ROR2: variants seen among roughly 807,000 people sequenced by gnomAD.
ROR2 encodes the protein ROR family WNT receptor 2.
Under a neutral mutation model 74.9 loss-of-function variants are expected in ROR2, and 33 were observed. That is an observed-to-expected ratio of 0.44 (90% CI 0.33 to 0.59). ROR2 has a LOEUF of 0.59. Ranked by LOEUF, ROR2 falls within the 20% of genes least tolerant of loss-of-function variation. ROR2 has a pLI of 0.02. For synonymous variants in ROR2, 586 were observed against 558.7 expected (o/e 1.05, Z -0.69); for missense variants, 1,216 against 1,313.8 (o/e 0.93, Z 1.15).
At chr9:91,755,222 T>C (rs1208785527) in intron 4 of ROR2, among the ~76,000 whole-genome samples, 1 of 152,222 alleles carries the variant, frequency 6.6e-6, no homozygotes, top group Non-Finnish European at 1.5e-5. Context: ...GTCGCTGCCC[T>C]GCCCAGCCTC....
intron 1 of ROR2, among the ~76,000 whole-genome samples, chr9:91,816,502 G>A (rs576608053): frequency 6.6e-6 from 1 of 151,988 alleles, no homozygotes; most frequent in Admixed American, 6.5e-5. Context: ...GTGCTTCCTC[G>A]GCCTTGCCCC....
chr9:91,759,157 G>C (rs1825841726), intron 2 of ROR2, among the ~76,000 whole-genome samples: 1 of 152,168 alleles, frequency 6.6e-6, no homozygotes, highest in Admixed American at 6.5e-5. Flanking sequence ...TGAACCCTAA[G>C]GGTAAGAAGT....
rs34963566 is a variant in ROR2 at position 91,830,809 on chromosome 9, C to CGTGTGTGTGTGTGT, written c.98-55005_98-54992dup. Among the ~76,000 whole-genome samples the CGTGTGTGTGTGTGT allele has an allele frequency of 2.0e-3, 282 of 139,666 alleles. 3 individuals carry two copies. The highest frequency in any genetic ancestry group is 0.011 in the Admixed American group (156 of 13,822). The allele number at this position is 139,666 out of a possible 152,430, so 91.6% of individuals were successfully genotyped here. A position where few individuals can be genotyped will look rare whatever the true frequency, so the allele number is the denominator to read the frequency against. ...TTTACCAAAACTAAATAACTGTGTC[C>CGTGTGTGTGTGTGT]GTGTGTGTGTGTGTGTGTGTGTGTG... On this transcript the variant is annotated intron_variant, in intron 1 of 8. Coordinates refer to ENST00000375708, the MANE Select transcript of ROR2 (RefSeq NM_004560.4).
At chr9:91,890,519 CTAAG>C (rs1404640572) in intron 1 of ROR2, among the ~76,000 whole-genome samples, 1 of 152,134 alleles carries the variant, frequency 6.6e-6, no homozygotes, top group African/African-American at 2.4e-5. Flanking sequence ...AAACTTATTC[CTAAG>C]TGTTTTATAG....
intron 4 of ROR2, among the ~76,000 whole-genome samples, chr9:91,739,011 A>G (rs995828791): frequency 3.9e-5 from 6 of 152,348 alleles, no homozygotes; most frequent in South Asian, 2.1e-4. Flanking sequence ...ATTGACGCCA[A>G]TGAGCCACAG....
chr9:91,754,883 G>A (rs745849045), intron 4 of ROR2, among the ~76,000 whole-genome samples: 5 of 152,132 alleles, frequency 3.3e-5, no homozygotes, highest in Non-Finnish European at 7.4e-5. Flanking sequence ...CAGGTGTGGT[G>A]GCACACACCT....
At chr9:91,829,554 A>C (rs1828396699) in intron 1 of ROR2, among the ~76,000 whole-genome samples, 1 of 146,898 alleles carries the variant, frequency 6.8e-6, no homozygotes, top group Non-Finnish European at 1.5e-5. Flanking sequence ...CGTCTCAAAA[A>C]AAAAAAAAAA....
chr9:91,839,047 A>G (rs1206546130), intron 1 of ROR2, among the ~76,000 whole-genome samples: 2 of 152,186 alleles, frequency 1.3e-5, no homozygotes, highest in Admixed American at 1.3e-4. Context: ...AAAAGCACAC[A>G]CTACACAACA....
In ROR2 at chr9:91,724,625, C is replaced by T. The variant is rs752218870; in HGVS notation, c.1869G>A (p.Val623=). The part of the protein sequence containing the change: ...HKDLATRNVL[V]YDKLNVKISD... ...AGATCTTCACGTTCAGCTTGTCGTA[C>T]ACTAGCACATTGCGGGTGGCCAGGT... Residue 623 remains valine, a synonymous_variant, in exon 9 of 9, where the codon GTG becomes GTA. Transcript: ENST00000375708. 1 of 1,614,226 alleles carries T rather than the reference C, an allele frequency of 6.2e-7. No individual in the cohort carries two copies. Among genetic ancestry groups the T allele is most frequent in the Non-Finnish European group, 8.5e-7 (1 of 1,180,040 alleles).
chr9:91,946,323 A>T (rs1014056709), intron 1 of ROR2, among the ~76,000 whole-genome samples: 18 of 152,206 alleles, frequency 1.2e-4, no homozygotes, highest in South Asian at 4.1e-4. Context: ...CAATGTATGG[A>T]GTCACAACCA....
At chr9:91,832,519 A>C (rs1398836115) in intron 1 of ROR2, among the ~76,000 whole-genome samples, 1 of 152,016 alleles carries the variant, frequency 6.6e-6, no homozygotes, top group Non-Finnish European at 1.5e-5. Context: ...GACTGACTTT[A>C]AGTAAGGGAG....
chr9:91,855,395 G>A (rs774024226), intron 1 of ROR2, among the ~76,000 whole-genome samples: 10 of 152,206 alleles, frequency 6.6e-5, no homozygotes, highest in Admixed American at 1.3e-4. Flanking sequence ...CACGGCGTTC[G>A]GCCCTCCCGC....
rs374861586 is a variant in ROR2 at position 91,756,007 on chromosome 9, G to C, written c.494+64C>G. 503 of 1,557,570 alleles carry C rather than the reference G, an allele frequency of 3.2e-4. 1 individual carries two copies. The African/African-American group carries it at 6.0e-3, about 19-fold the overall frequency. ...CATGAGCTGGCAGGATTTAAACCCC[G>C]GATTCCTACATAACAAAAACCCTCA... is the stretch of plus-strand genomic sequence containing the variant. On this transcript the variant is annotated intron_variant, in intron 4 of 8. Transcript: ENST00000375708.
In ROR2 at chr9:91,733,875, C is replaced by T. The variant is rs947336936; in HGVS notation, c.623-439G>A. ...CCCCAGGCTTCCCAATGTCCCAGATCTGTCTGGGGAGAAGGCTGTCCCGGA... is the reference window on the plus strand; with the variant it reads ...CCCCAGGCTTCCCAATGTCCCAGATTTGTCTGGGGAGAAGGCTGTCCCGGA... On this transcript the variant is annotated intron_variant, in intron 5 of 8. Coordinates refer to ENST00000375708, the MANE Select transcript of ROR2 (RefSeq NM_004560.4). This position sits in a 1 kb window ranked among gnomAD's most constrained non-coding sequence, Gnocchi z 5.7. Among the ~76,000 whole-genome samples the T allele has an allele frequency of 3.3e-5, 5 of 152,214 alleles. No homozygotes were observed. Among genetic ancestry groups the T allele is most frequent in the Admixed American group, 3.3e-4 (5 of 15,282 alleles).
intron 1 of ROR2, among the ~76,000 whole-genome samples, chr9:91,866,608 AG>A (rs1204571365): frequency 2.0e-5 from 3 of 152,126 alleles, no homozygotes; most frequent in East Asian, 3.9e-4. Context: ...CATGTTTTAA[AG>A]CGTGCTTTCC....
chr9:91,833,146 C>T (rs1828515335), intron 1 of ROR2, among the ~76,000 whole-genome samples: 2 of 152,208 alleles, frequency 1.3e-5, no homozygotes, highest in Admixed American at 1.3e-4. Flanking sequence ...AGAGGCATGG[C>T]ATCAGGGTGG....
chr9:91,902,124 A>G (rs545999210), intron 1 of ROR2, among the ~76,000 whole-genome samples: 12 of 152,342 alleles, frequency 7.9e-5, no homozygotes, highest in African/African-American at 2.6e-4. Flanking sequence ...AGGGCTCCCC[A>G]CCACAGATGA....
intron 1 of ROR2, among the ~76,000 whole-genome samples, chr9:91,846,367 T>C (rs1379081686): frequency 6.6e-6 from 1 of 152,148 alleles, no homozygotes; most frequent in Non-Finnish European, 1.5e-5. Context: ...GAAGAGACAC[T>C]GGCACTCACT....
At chr9:91,809,570 G>A (rs1309092093) in intron 1 of ROR2, among the ~76,000 whole-genome samples, 2 of 152,240 alleles carry the variant, frequency 1.3e-5, no homozygotes, top group Non-Finnish European at 2.9e-5. Context: ...TGCAGCCCAC[G>A]CAGTTAGCAC....
Sources: gnomAD v4.1 joint callset for allele counts (sites outside exome capture counted in the v4.1 genomes callset) on GRCh38, gnomAD v4.1.1 for gene constraint, Gnocchi (gnomAD v3.1) non-coding constraint, MANE v1.5 for transcripts, NCBI Gene and HGNC (gene_info 2026-07-23, HGNC 2026-07-21) for gene names.